PHEX: variants seen among roughly 807,000 people sequenced by gnomAD.
PHEX encodes the protein phosphate regulating endopeptidase X-linked, also known as phosphate-regulating neutral endopeptidase PHEX.
Under a neutral mutation model 68.0 loss-of-function variants are expected in PHEX, and 16 were observed. That is an observed-to-expected ratio of 0.24 (90% confidence interval 0.16 to 0.36). The LOEUF is 0.36. Ranked by LOEUF, PHEX falls within the 10% of genes least tolerant of loss-of-function variation. The probability of loss-of-function intolerance (pLI) is 1.00; values close to 1 mark genes in which losing one functional copy is unlikely to be tolerated. For synonymous variants in PHEX, 208 were observed against 205.1 expected (o/e 1.01, Z -0.12); for missense variants, 480 against 575.5 (o/e 0.83, Z 1.70).
intron 15 of PHEX, among the ~76,000 whole-genome samples, chrX:22,211,060 TTC>T (rs1412697730): frequency 5.4e-5 from 6 of 111,593 alleles, no homozygotes; most frequent in Non-Finnish European, 1.1e-4. Flanking sequence ...TACAGAAGGC[TTC>T]TCTCTCTCTT....
intron 9 of PHEX, among the ~76,000 whole-genome samples, chrX:22,108,835 G>A (rs185002533): frequency 9.1e-6 from 1 of 109,373 alleles, no homozygotes; most frequent in African/African-American, 3.3e-5. Context: ...CCAGCTACTT[G>A]GGAGGCTGAG....
rs1046806588 is a variant in PHEX, at chrX:22,250,630, T to C, written c.*2677T>C. 1.8e-5 allele frequency: 2 copies of C among 111,712 alleles called. No homozygotes were observed. The highest frequency in any genetic ancestry group is 6.5e-5 in the African/African-American group (2 of 30,697). 9.2% of individuals were successfully genotyped at this position (111,712 alleles called of 1,213,427 possible). A position where few individuals can be genotyped will look rare whatever the true frequency, so the allele number is the denominator to read the frequency against. On this transcript the variant is annotated 3_prime_UTR_variant, in exon 22 of 22. Transcript: ENST00000379374. ...TTTTCTAGATATAAAGTGGTTTTATTTGGGCTCATGACCATTGCCCAAAGT... is the reference window on the plus strand; with the variant it reads ...TTTTCTAGATATAAAGTGGTTTTATCTGGGCTCATGACCATTGCCCAAAGT...
chrX:22,103,347 G>A (rs947496442), intron 9 of PHEX, among the ~76,000 whole-genome samples: 2 of 110,755 alleles, frequency 1.8e-5, no homozygotes, highest in African/African-American at 3.3e-5. Flanking sequence ...AACAGGTGGT[G>A]TTTGGTTGCA....
At chrX:22,224,027 G>T (rs1237528755) in intron 18 of PHEX, among the ~76,000 whole-genome samples, 1 of 112,381 alleles carries the variant, frequency 8.9e-6, no homozygotes, top group Non-Finnish European at 1.9e-5. Flanking sequence ...GAGTCACCCA[G>T]GCTGGAGTGC....
chrX:22,145,592 G>T (rs1321268635), intron 12 of PHEX, among the ~76,000 whole-genome samples: 1 of 106,688 alleles, frequency 9.4e-6, no homozygotes, highest in African/African-American at 3.4e-5. Context: ...CTCCAGCCTG[G>T]GTGATAGAGC....
At chrX:22,146,032 C>G (rs956806727) in intron 12 of PHEX, among the ~76,000 whole-genome samples, 1 of 112,329 alleles carries the variant, frequency 8.9e-6, no homozygotes, top group Non-Finnish European at 1.9e-5. Context: ...ATTGTCCCAT[C>G]TTGGCCAATG....
chrX:22,203,068 T>C (rs2097487013), intron 15 of PHEX, among the ~76,000 whole-genome samples: 1 of 110,554 alleles, frequency 9.0e-6, no homozygotes, highest in Admixed American at 9.7e-5. Context: ...GTCAGACTTG[T>C]TGGGTAAAGG....
intron 13 of PHEX, among the ~76,000 whole-genome samples, chrX:22,170,025 A>G (rs1933468489): frequency 8.9e-6 from 1 of 112,505 alleles, no homozygotes; most frequent in African/African-American, 3.2e-5. Context: ...AATCAGCCAT[A>G]TAAAATATTC....
At chrX:22,189,659 G>A (rs1233376034) in intron 14 of PHEX, among the ~76,000 whole-genome samples, 1 of 112,108 alleles carries the variant, frequency 8.9e-6, no homozygotes, top group Non-Finnish European at 1.9e-5. Flanking sequence ...TTGCTCTTAA[G>A]TACCTACGTA....
chrX:22,093,235 G>A (rs1044182580), intron 6 of PHEX, among the ~76,000 whole-genome samples: 1 of 111,749 alleles, frequency 8.9e-6, no homozygotes, highest in Admixed American at 9.5e-5. Context: ...TACCTGATGC[G>A]TTGAGATCTC....
chrX:22,238,854 C>G (rs1013666620), intron 20 of PHEX, among the ~76,000 whole-genome samples: 1 of 111,980 alleles, frequency 8.9e-6, no homozygotes, highest in African/African-American at 3.2e-5. Flanking sequence ...TGCCTGACAG[C>G]CAGCACAGCG....
chrX:22,238,414 C>T lies in PHEX; in HGVS notation c.2071-6919C>T, dbSNP rs529535918. 1.6e-4 allele frequency among the ~76,000 whole-genome samples: 18 copies of T among 111,763 alleles called. No homozygotes were observed. In the South Asian group the frequency reaches 6.1e-3, roughly 38 times the overall value. Reference sequence around the variant, plus strand: ...ACAGTGCACTCCAGCCCAGCTACTGCGCATTTCCCACAGTCTTCGCAACTG... The same window carrying T: ...ACAGTGCACTCCAGCCCAGCTACTGTGCATTTCCCACAGTCTTCGCAACTG... On this transcript the variant is annotated intron_variant, in intron 20 of 21. Coordinates refer to ENST00000379374, the MANE Select transcript of PHEX (RefSeq NM_000444.6).
chrX:22,166,696 A>G lies in PHEX; in HGVS notation c.1405-1616A>G, dbSNP rs111592763. Among the ~76,000 whole-genome samples, 1,048 of 111,313 alleles carry G rather than the reference A, an allele frequency of 9.4e-3. 13 individuals are homozygous for G. Among genetic ancestry groups the G allele is most frequent in the African/African-American group, 0.033 (1,001 of 30,605 alleles). The stretch of plus-strand genomic sequence containing the variant: ...AGTGTACAATACATTGATATTAACT[A>G]TAGTCACTATGTTGTACAATACATC... On this transcript the variant is annotated intron_variant, in intron 12 of 21. Transcript: ENST00000379374.
intron 12 of PHEX, among the ~76,000 whole-genome samples, chrX:22,156,586 A>G (rs1447600972): frequency 2.7e-5 from 3 of 110,452 alleles, no homozygotes; most frequent in Non-Finnish European, 5.7e-5. Flanking sequence ...GACCTCTGAT[A>G]CAGAGCCCTG....
intron 15 of PHEX, among the ~76,000 whole-genome samples, chrX:22,206,522 C>T (rs375198386): frequency 9.0e-6 from 1 of 111,408 alleles, no homozygotes; most frequent in South Asian, 3.8e-4. Context: ...CAAATGTAAA[C>T]TGTCTTAGAT....
intron 2 of PHEX, among the ~76,000 whole-genome samples, chrX:22,042,646 G>A (rs189656309): frequency 2.7e-5 from 3 of 111,233 alleles, no homozygotes; most frequent in East Asian, 2.8e-4. Flanking sequence ...TTAGCCAGGC[G>A]TGGTGGCGCA....
At chrX:22,192,183 GTTCTC>G (rs1261308423) in intron 15 of PHEX, among the ~76,000 whole-genome samples, 2 of 111,056 alleles carry the variant, frequency 1.8e-5, no homozygotes, top group Non-Finnish European at 3.8e-5. Flanking sequence ...CACCTTTTCT[GTTCTC>G]TTCTCTCCAT....
At chrX:22,176,399 A>G (rs1193154540) in intron 13 of PHEX, among the ~76,000 whole-genome samples, 15 of 64,810 alleles carry the variant, frequency 2.3e-4, no homozygotes, top group Admixed American at 1.8e-3. Flanking sequence ...AAAAAAAAAA[A>G]AAAATATATA....
intron 20 of PHEX, among the ~76,000 whole-genome samples, chrX:22,236,283 T>TTTATC (rs1187165473): frequency 2.7e-4 from 30 of 112,408 alleles, no homozygotes; most frequent in African/African-American, 9.0e-4. Flanking sequence ...TTCAACTCCT[T>TTTATC]TTATCTTTCT....
Sources: allele counts gnomAD v4.1 joint callset (sites outside exome capture counted in the v4.1 genomes callset), GRCh38; gene constraint gnomAD v4.1.1; transcripts MANE v1.5; gene names NCBI Gene and HGNC (gene_info 2026-07-23, HGNC 2026-07-21).